The following NDC80 variants were observed in gnomAD, a reference collection of about 807,000 sequenced individuals.
The protein encoded by NDC80 is kinetochore protein NDC80 homolog.
NDC80 carries 69 observed loss-of-function variants against 89.3 expected under a neutral mutation model. The ratio of observed to expected loss-of-function variants is 0.77; its 90% CI spans 0.64 to 0.94. NDC80 has a LOEUF of 0.94. Ranked by LOEUF, NDC80 falls within the 40% of genes least tolerant of loss-of-function variation. The probability of loss-of-function intolerance (pLI) is 0.00; values close to 1 mark genes in which losing one functional copy is unlikely to be tolerated. For synonymous variants in NDC80, 243 were observed against 255.6 expected, an observed-to-expected ratio of 0.95 and a Z score of 0.47; for missense variants, 593 against 739.6, an observed-to-expected ratio of 0.80 and a Z score of 2.30.
rs1324380020 is a variant in NDC80, at chr18:2,616,441, A to G, written c.1796A>G (p.His599Arg). 4.7e-6 allele frequency: 7 copies of G among 1,486,792 alleles called. No individual in the cohort carries two copies. Among genetic ancestry groups the G allele is most frequent in the Non-Finnish European group, 6.3e-6 (7 of 1,109,656 alleles). 92.1% of individuals were successfully genotyped at this position (1,486,792 alleles called of 1,614,324 possible). A position where few individuals can be genotyped will look rare whatever the true frequency, so the allele number is the denominator to read the frequency against. ...ATTGTTAATTCTCTTCACTAGAAAC[A>G]TCTTGAGGAGCAGATTGCTAAAGTT... ...VATHVGSVEK[H>R]LEEQIAKVDR... Residue 599 changes from histidine (H) to arginine (R), a missense_variant, in exon 17 of 17, where the codon CAT (histidine) becomes CGT (arginine). Physicochemically the swap from His to Arg is conservative, Grantham distance 29. Coordinates refer to ENST00000261597, the MANE Select transcript of NDC80 (RefSeq NM_006101.3).
chr18:2,575,824 C>A (rs2677908), intron 3 of NDC80, among the ~76,000 whole-genome samples: 2 of 151,998 alleles, frequency 1.3e-5, no homozygotes, highest in Admixed American at 6.6e-5. Context: ...ACTTGGAAGG[C>A]TGAATCAGGA....
At chr18:2,602,430 A>C (rs10502303) in intron 13 of NDC80, among the ~76,000 whole-genome samples, 59,304 of 151,956 alleles carry the variant, frequency 0.39, 12,826 homozygotes, top group East Asian at 0.68. Flanking sequence ...TGTAATTCGC[A>C]GTTTCTAAAA....
chr18:2,611,115 C>T (rs1179276844), intron 16 of NDC80, among the ~76,000 whole-genome samples: 1 of 139,034 alleles, frequency 7.2e-6, no homozygotes, highest in African/African-American at 2.7e-5. Flanking sequence ...ATGGCATGGT[C>T]TCAACTCACT....
At chr18:2,588,844 G>A (rs867749415) in intron 8 of NDC80, among the ~76,000 whole-genome samples, 1 of 152,038 alleles carries the variant, frequency 6.6e-6, no homozygotes, top group Admixed American at 6.6e-5. Flanking sequence ...AATATTTTTT[G>A]TATACCTACT....
At chr18:2,588,244 G>A (rs147493930) in intron 8 of NDC80, among the ~76,000 whole-genome samples, 225 of 152,252 alleles carry the variant, frequency 1.5e-3, no homozygotes, top group African/African-American at 5.2e-3. Flanking sequence ...CAGAAGCATA[G>A]ACAATAATTA....
intron 11 of NDC80, among the ~76,000 whole-genome samples, chr18:2,597,171 A>T (rs1470266848): frequency 2.6e-5 from 4 of 151,832 alleles, no homozygotes; most frequent in Non-Finnish European, 5.9e-5. Flanking sequence ...AACTTAAAGT[A>T]TAATAATAAT....
intron 2 of NDC80, among the ~76,000 whole-genome samples, chr18:2,573,669 C>T (rs916778787): frequency 6.6e-6 from 1 of 152,060 alleles, no homozygotes; most frequent in Non-Finnish European, 1.5e-5. Flanking sequence ...TCTCTAGTAC[C>T]GAGGTACAAG....
chr18:2,606,583 A>C, intron 14 of NDC80, 76 bp downstream of exon 14: 1 of 818,550 alleles, frequency 1.2e-6, no homozygotes, highest in Non-Finnish European at 1.9e-6. Context: ...ATATTCTGAC[A>C]TCAAAATCAA....
At chr18:2,580,366 A>G (rs2072570414) in intron 6 of NDC80, among the ~76,000 whole-genome samples, 1 of 148,286 alleles carries the variant, frequency 6.7e-6, no homozygotes, top group Non-Finnish European at 1.5e-5. Flanking sequence ...GTGCTGTTTT[A>G]TCTGTTCAGA....
rs562545519 is a variant in NDC80 at position 2,599,244 on chromosome 18, T to A, written c.1374+73T>A. The A allele has an allele frequency of 1.5e-4, 196 of 1,304,996 alleles. No homozygotes were observed. In the African/African-American group the frequency reaches 2.3e-3, roughly 15 times the overall value. 80.8% of individuals were successfully genotyped at this position (1,304,996 alleles called of 1,614,324 possible). A position where few individuals can be genotyped will look rare whatever the true frequency, so the allele number is the denominator to read the frequency against. Reference sequence around the variant, plus strand: ...TATCTCTAAGAGTTTGAACTTTGGCTTGTTCATAACCCAGTACTAAACAAA... The same window carrying A: ...TATCTCTAAGAGTTTGAACTTTGGCATGTTCATAACCCAGTACTAAACAAA... On this transcript the variant is annotated intron_variant, in intron 12 of 16. Coordinates refer to ENST00000261597, the MANE Select transcript of NDC80 (RefSeq NM_006101.3).
chr18:2,610,745 T>C lies in NDC80; in HGVS notation c.1689-14T>C, dbSNP rs755381422. 1.3e-6 allele frequency: 2 copies of C among 1,534,536 alleles called. No individual in the cohort carries two copies. Among genetic ancestry groups the C allele is most frequent in the East Asian group, 2.3e-5 (1 of 43,328 alleles). On this transcript the variant is annotated splice_polypyrimidine_tract_variant and intron_variant, in intron 15 of 16. Transcript: ENST00000261597. ...TTTTCCTGGACAACTTAAACAAGAG[T>C]TTTTGTTCTACAGATACCAACTAGT...
intron 5 of NDC80, 35 bp from the exon 6 acceptor site, chr18:2,578,892 A>G: frequency 7.9e-7 from 1 of 1,261,612 alleles, no homozygotes; most frequent in East Asian, 2.7e-5. Context: ...TTATAATAAC[A>G]TTAAATTAGC....
At chr18:2,582,347 G>C (rs1442494724) in intron 6 of NDC80, 1 of 152,170 alleles carries the variant, frequency 6.6e-6, no homozygotes, top group South Asian at 2.1e-4. Context: ...AAAGTGCTGG[G>C]ATTACAAGTG....
intron 6 of NDC80, chr18:2,582,954 A>G (rs2072585582): frequency 6.6e-6 from 1 of 152,236 alleles, no homozygotes; most frequent in African/African-American, 2.4e-5. Context: ...ACTAAGGACC[A>G]TAAATAGGAG....
chr18:2,614,622 A>G (rs1387104516), intron 16 of NDC80, among the ~76,000 whole-genome samples: 2 of 82,500 alleles, frequency 2.4e-5, no homozygotes, highest in Non-Finnish European at 5.2e-5. Flanking sequence ...AGAAAGAAAG[A>G]AAGAAAGAAA....
intron 14 of NDC80, 34 bp from the exon 15 acceptor site, chr18:2,608,666 C>A (rs747732414): frequency 6.3e-7 from 1 of 1,582,788 alleles, no homozygotes; most frequent in East Asian, 2.3e-5. Context: ...ATGTGAATAT[C>A]AAGAAACCCA....
intron 13 of NDC80, among the ~76,000 whole-genome samples, chr18:2,602,452 A>T (rs1598243863): frequency 1.3e-5 from 2 of 152,078 alleles, no homozygotes; most frequent in African/African-American, 4.8e-5. Flanking sequence ...ATCTATGGAG[A>T]AAAGATGAGG....
chr18:2,589,299 G>T lies in NDC80; in HGVS notation c.859G>T (p.Glu287Ter). 6.2e-7 allele frequency: 1 copy of T among 1,612,180 alleles called. No individual in the cohort carries two copies. Among genetic ancestry groups the T allele is most frequent in the Non-Finnish European group, 8.5e-7 (1 of 1,178,514 alleles). Residue 287 changes from glutamate (E) to a stop codon, truncating the protein, a stop_gained, in exon 9 of 17, where the codon GAA becomes TAA. Coordinates refer to ENST00000261597, the MANE Select transcript of NDC80 (RefSeq NM_006101.3). LOFTEE classifies it high-confidence loss of function. ...GATTGCAAGATTGGAACAAGAAAGA[G>T]AAAAAGAACCGGTTAGTAAACATGT... ...EQIARLEQER[E>*]KEPNRLESLR...
intron 13 of NDC80, among the ~76,000 whole-genome samples, chr18:2,605,742 A>G (rs2072708213): frequency 6.6e-6 from 1 of 152,082 alleles, no homozygotes; most frequent in Non-Finnish European, 1.5e-5. Flanking sequence ...TCAGCTATTT[A>G]TACATTTTAC....
Sources: gnomAD v4.1 joint callset for allele counts (sites outside exome capture counted in the v4.1 genomes callset) on GRCh38, gnomAD v4.1.1 for gene constraint, MANE v1.5 for transcripts, NCBI Gene and HGNC (gene_info 2026-07-23, HGNC 2026-07-21) for gene names.